PDCL3: variants seen among roughly 807,000 people sequenced by gnomAD.
PDCL3 encodes phosducin-like protein 3.
A neutral mutation model predicts 26.5 loss-of-function variants in PDCL3; 22 were observed. The observed-to-expected ratio is 0.83, with a 90% CI of 0.59 to 1.19. PDCL3 has a LOEUF of 1.19. PDCL3 is among the 50% of genes most tolerant of loss of function. The pLI is 0.00. For missense variants in PDCL3, 246 were observed against 294.1 expected, an observed-to-expected ratio of 0.84 and a Z score of 1.20; for synonymous variants, 81 against 104.9, an observed-to-expected ratio of 0.77 and a Z score of 1.39.
chr2:100,574,067 TATCTTGGCTC>T (rs1219805433), intron 5 of PDCL3, among the ~76,000 whole-genome samples: 4 of 152,202 alleles, frequency 2.6e-5, no homozygotes, highest in Admixed American at 2.6e-4. Context: ...GCAGTAGCAC[TATCTTGGCTC>T]ACTCCAGCCT....
At chr2:100,573,811 C>T (rs1414659815) in intron 5 of PDCL3, among the ~76,000 whole-genome samples, 1 of 151,836 alleles carries the variant, frequency 6.6e-6, no homozygotes, top group Admixed American at 6.6e-5. Context: ...TACATGTTTG[C>T]ATCTTATTTT....
chr2:100,564,518 G>A (rs952883400), intron 1 of PDCL3, among the ~76,000 whole-genome samples: 1 of 151,982 alleles, frequency 6.6e-6, no homozygotes, highest in East Asian at 1.9e-4. Flanking sequence ...GAATTGTCTC[G>A]ATCTCCTGAC....
chr2:100,566,147 C>T (rs956913136), intron 1 of PDCL3, among the ~76,000 whole-genome samples: 2 of 152,170 alleles, frequency 1.3e-5, no homozygotes, highest in Non-Finnish European at 2.9e-5. Context: ...TCGTGATCCG[C>T]CTGCCTCAGC....
chr2:100,576,235 C>G (rs1308709663), intron 5 of PDCL3, 119 bp from the exon 6 acceptor site: 4 of 1,171,232 alleles, frequency 3.4e-6, no homozygotes, highest in Non-Finnish European at 4.8e-6. Context: ...AGCCATTGTG[C>G]TGGGCCAAAT....
chr2:100,568,238 A>C (rs67061569), intron 2 of PDCL3, among the ~76,000 whole-genome samples: 21,116 of 149,436 alleles, frequency 0.14, 1,819 homozygotes, highest in Admixed American at 0.27. Context: ...AGTTGTCAGC[A>C]TATTGATAGC....
At chr2:100,570,837 T>G (rs972485616) in intron 4 of PDCL3, among the ~76,000 whole-genome samples, 8 of 152,210 alleles carry the variant, frequency 5.3e-5, no homozygotes, top group African/African-American at 1.9e-4. Flanking sequence ...CCTTCAGCGT[T>G]TTCTCATTCA....
chr2:100,570,815 A>C (rs1675153147), intron 4 of PDCL3, among the ~76,000 whole-genome samples: 1 of 152,180 alleles, frequency 6.6e-6, no homozygotes, highest in African/African-American at 2.4e-5. Context: ...CTGACATTTC[A>C]TACTTTCTAA....
intron 1 of PDCL3, chr2:100,563,424 G>A: frequency 4.3e-6 from 1 of 232,668 alleles, no homozygotes. Flanking sequence ...CTGGGCAGAG[G>A]TGTTAGGAAG....
rs369614628 is a variant in PDCL3 at position 100,569,536 on chromosome 2, C to T, written c.225-42C>T. 38 of 1,607,236 alleles carry T rather than the reference C, an allele frequency of 2.4e-5. No individual in the cohort carries two copies. The African/African-American group carries it at 2.5e-4, about 11-fold the overall frequency. Reference sequence around the variant, plus strand: ...GCCTTCTAGACGATGTGTGTGTACACGTGTTTGTGACGTAAGATGTTTCTC... The same window carrying T: ...GCCTTCTAGACGATGTGTGTGTACATGTGTTTGTGACGTAAGATGTTTCTC... On this transcript the variant is annotated intron_variant, in intron 3 of 5. Coordinates refer to ENST00000264254, the MANE Select transcript of PDCL3 (RefSeq NM_024065.5).
intron 5 of PDCL3, among the ~76,000 whole-genome samples, 166 bp from the exon 6 acceptor site, chr2:100,576,188 T>TG (rs1675281562): frequency 1.3e-5 from 2 of 152,158 alleles, no homozygotes; most frequent in African/African-American, 4.8e-5. Context: ...GTGATCCTCC[T>TG]GCCTCAGCCT....
At chr2:100,566,768 G>A (rs571100434) in intron 2 of PDCL3, 139 bp downstream of exon 2, 21 of 1,251,702 alleles carry the variant, frequency 1.7e-5, no homozygotes, top group African/African-American at 1.3e-4. Flanking sequence ...AACACAGGGC[G>A]TCTCTCACCT....
Position 100,569,703 on chromosome 2 carries a change from TG to T in PDCL3, c.351del (p.Leu117PhefsTer13), listed in dbSNP as rs758632439. 3 of 1,612,802 alleles carry T rather than the reference TG, an allele frequency of 1.9e-6. No homozygotes were observed. The highest frequency in any genetic ancestry group is 2.5e-6 in the Non-Finnish European group (3 of 1,179,566). On this transcript the variant is annotated frameshift_variant, in exon 4 of 6. Transcript: ENST00000264254. LOFTEE classifies it high-confidence loss of function. ...TKAGEGLWVI[L>X]HLYKQGIPLC... Reference sequence around the variant, plus strand: ...GCTGGCGAGGGCTTGTGGGTCATCTTGCACCTTTACAAACAAGGGTGAGCTG... The same window carrying T: ...GCTGGCGAGGGCTTGTGGGTCATCTTCACCTTTACAAACAAGGGTGAGCTG...
At chr2:100,564,635 G>T (rs2104390090) in intron 1 of PDCL3, among the ~76,000 whole-genome samples, 1 of 152,272 alleles carries the variant, frequency 6.6e-6, no homozygotes, top group African/African-American at 2.4e-5. Context: ...GTTACACAGG[G>T]TTGGGGTTGG....
At chr2:100,566,680 C>G in intron 2 of PDCL3, 51 bp downstream of exon 2, 1 of 1,603,362 alleles carries the variant, frequency 6.2e-7, no homozygotes, top group Non-Finnish European at 8.5e-7. Flanking sequence ...AGATGGCTCC[C>G]TAAGCCTCTG....
At chr2:100,576,222 G>A (rs1029936470) in intron 5 of PDCL3, 132 bp from the exon 6 acceptor site, 14 of 935,986 alleles carry the variant, frequency 1.5e-5, no homozygotes, top group Admixed American at 8.4e-5. Context: ...GATTACAGGC[G>A]TGAGCCATTG....
chr2:100,573,994 G>T (rs573102967), intron 5 of PDCL3, among the ~76,000 whole-genome samples: 8,804 of 151,768 alleles, frequency 0.058, 858 homozygotes, highest in African/African-American at 0.2. Context: ...TATATATAGA[G>T]AGAGATATAT....
chr2:100,573,553 T>C (rs1483705548), intron 5 of PDCL3, among the ~76,000 whole-genome samples: 9 of 151,386 alleles, frequency 5.9e-5, no homozygotes, highest in Admixed American at 2.0e-4. Flanking sequence ...CGGGCACTTA[T>C]AATTCCAGCT....
At chr2:100,567,360 G>T (rs1320521919) in intron 2 of PDCL3, among the ~76,000 whole-genome samples, 1 of 152,166 alleles carries the variant, frequency 6.6e-6, no homozygotes, top group African/African-American at 2.4e-5. Flanking sequence ...CTATGCATAA[G>T]CCAGAGACAA....
intron 1 of PDCL3, chr2:100,563,378 A>C: frequency 2.7e-6 from 1 of 373,700 alleles, no homozygotes. Flanking sequence ...CGCCTAACAA[A>C]AGTTACCTCC....
Sources: gnomAD v4.1 joint callset for allele counts (sites outside exome capture counted in the v4.1 genomes callset) on GRCh38, gnomAD v4.1.1 for gene constraint, MANE v1.5 for transcripts, NCBI Gene and HGNC (gene_info 2026-07-23, HGNC 2026-07-21) for gene names.